Variants in LRRC36 observed in about 807,000 individuals in gnomAD.
LRRC36 encodes leucine rich repeat containing 36.
Under a neutral mutation model 81.1 loss-of-function variants are expected in LRRC36, and 62 were observed. That is an observed-to-expected ratio of 0.76 (90% confidence interval 0.62 to 0.94). The LOEUF (loss-of-function observed/expected upper bound fraction) is 0.94, where lower values mean the gene tolerates loss of function less well. Ranked by LOEUF, LRRC36 falls within the 40% of genes least tolerant of loss-of-function variation. LRRC36 has a pLI of 0.00. For synonymous variants in LRRC36, 334 were observed against 348.6 expected (o/e 0.96, Z 0.47); for missense variants, 761 against 881.7 (o/e 0.86, Z 1.73).
At position 67,342,951 on chromosome 16, in the gene LRRC36, C is replaced by A. The variant is rs192235288; in HGVS notation, c.198+867C>A. Among the ~76,000 whole-genome samples the A allele has an allele frequency of 1.0e-3, 157 of 152,248 alleles. 3 individuals carry two copies. Among genetic ancestry groups the A allele is most frequent in the African/African-American group, 3.2e-3 (133 of 41,564 alleles). On this transcript the variant is annotated intron_variant, in intron 2 of 13. Coordinates refer to ENST00000329956, the MANE Select transcript of LRRC36 (RefSeq NM_018296.6). ...GCTAAGGGCCTAAAAGATCAAAAGC[C>A]CTAAGATCAAATTTCCATCTAGGAC...
intron 4 of LRRC36, among the ~76,000 whole-genome samples, chr16:67,348,868 A>G (rs1009523864): frequency 3.9e-5 from 6 of 152,180 alleles, no homozygotes; most frequent in African/African-American, 1.2e-4. Context: ...GTCAGTGCCT[A>G]TTGGCCTGAG....
chr16:67,356,981 T>A (rs557295756), intron 5 of LRRC36, among the ~76,000 whole-genome samples: 18 of 152,218 alleles, frequency 1.2e-4, no homozygotes, highest in African/African-American at 4.1e-4. Flanking sequence ...ATAATAAGGA[T>A]CTCTTAGAGG....
chr16:67,363,767 A>G, intron 6 of LRRC36, 53 bp downstream of exon 6: 1 of 1,574,724 alleles, frequency 6.4e-7, no homozygotes, highest in South Asian at 1.1e-5. Flanking sequence ...ATTAATACTG[A>G]TAATTCAGTG....
intron 8 of LRRC36, among the ~76,000 whole-genome samples, chr16:67,369,957 G>T (rs938436447): frequency 7.9e-5 from 12 of 152,154 alleles, no homozygotes; most frequent in African/African-American, 2.9e-4. Flanking sequence ...GTAAAGGGAA[G>T]CAGAGAAATG....
chr16:67,376,888 C>A lies in LRRC36; in HGVS notation c.1806+16C>A. Reference sequence around the variant, plus strand: ...TAATGACATGGTATGCCCCTCTCATCTCCCTTTAGAAAAGGACAGAGCAGC... The same window carrying A: ...TAATGACATGGTATGCCCCTCTCATATCCCTTTAGAAAAGGACAGAGCAGC... On this transcript the variant is annotated intron_variant, in intron 11 of 13. Coordinates refer to ENST00000329956, the MANE Select transcript of LRRC36 (RefSeq NM_018296.6). 6.3e-7 allele frequency: 1 copy of A among 1,598,518 alleles called. No individual in the cohort carries two copies.
rs2037911499 is a variant in LRRC36 at position 67,339,212 on chromosome 16, TGCCAGTA to T, written c.71-2742_71-2736del. Among the ~76,000 whole-genome samples, 3 of 148,728 alleles carry T rather than the reference TGCCAGTA, an allele frequency of 2.0e-5. No individual in the cohort carries two copies. The Admixed American group carries it at 2.0e-4, about 10-fold the overall frequency. On this transcript the variant is annotated intron_variant, in intron 1 of 13. Transcript: ENST00000329956. ...ACCCAGCCATGATTCATTCTCAAGGTGCCAGTAGCTTTTGCTCTTGCACCATAAGTGT... is the reference window on the plus strand; with the variant it reads ...ACCCAGCCATGATTCATTCTCAAGGTGCTTTTGCTCTTGCACCATAAGTGT...
Position 67,371,215 on chromosome 16 carries a change from T to C in LRRC36, c.1467T>C (p.His489=). Residue 489 remains histidine, a synonymous_variant, in exon 9 of 14, where the codon CAT becomes CAC. Transcript: ENST00000329956. ...DNILANLNLK[H]GFQDATGSEP... The stretch of plus-strand genomic sequence containing the variant: ...TCCTTGCCAACCTGAATCTAAAGCA[T>C]GGTTTCCAAGATGCTACAGGCAGCG... The C allele has an allele frequency of 3.1e-6, 5 of 1,614,166 alleles. No homozygotes were observed. Among genetic ancestry groups the C allele is most frequent in the Non-Finnish European group, 4.2e-6 (5 of 1,180,028 alleles).
intron 13 of LRRC36, 150 bp downstream of exon 13, chr16:67,382,397 G>T (rs1202107743): frequency 3.3e-6 from 2 of 602,652 alleles, no homozygotes; most frequent in African/African-American, 1.9e-5. Flanking sequence ...TTAGCTCAGG[G>T]ATTATAAAAA....
intron 12 of LRRC36, among the ~76,000 whole-genome samples, chr16:67,381,446 A>T (rs2040107731): frequency 6.6e-6 from 1 of 152,124 alleles, no homozygotes; most frequent in Non-Finnish European, 1.5e-5. Flanking sequence ...CATACTACGT[A>T]GGGAGTGAAG....
intron 2 of LRRC36, 100 bp from the exon 3 acceptor site, chr16:67,346,156 C>A: frequency 1.3e-6 from 1 of 794,436 alleles, no homozygotes; most frequent in Non-Finnish European, 1.9e-6. Flanking sequence ...ACTTGGATAA[C>A]ATGTTTAAGG....
At chr16:67,339,870 C>T (rs1459229269) in intron 1 of LRRC36, among the ~76,000 whole-genome samples, 1 of 152,156 alleles carries the variant, frequency 6.6e-6, no homozygotes, top group East Asian at 1.9e-4. Flanking sequence ...GGGCCAGGCA[C>T]GGTGGCTGAC....
At chr16:67,365,376 G>A in intron 7 of LRRC36, 21 bp downstream of exon 7, 5 of 1,608,416 alleles carry the variant, frequency 3.1e-6, no homozygotes, top group Non-Finnish European at 4.3e-6. Flanking sequence ...TGCTCACTGA[G>A]TATTTTTCCC....
At chr16:67,382,101 C>A in intron 12 of LRRC36, 32 bp from the exon 13 acceptor site, 1 of 1,407,068 alleles carries the variant, frequency 7.1e-7, no homozygotes, top group Non-Finnish European at 1.0e-6. Flanking sequence ...GCTTGGAATC[C>A]TTTTCACCCC....
At chr16:67,363,456 T>C in intron 5 of LRRC36, 134 bp from the exon 6 acceptor site, 1 of 725,116 alleles carries the variant, frequency 1.4e-6, no homozygotes, top group Non-Finnish European at 2.3e-6. Context: ...CTCAAATTCA[T>C]GTGGTCTCCA....
intron 8 of LRRC36, among the ~76,000 whole-genome samples, chr16:67,368,244 T>C (rs1597486140): frequency 6.6e-6 from 1 of 152,220 alleles, no homozygotes; most frequent in South Asian, 2.1e-4. Context: ...CCTACTTTCA[T>C]AGAGCTTACA....
intron 5 of LRRC36, among the ~76,000 whole-genome samples, chr16:67,354,815 C>T (rs2038824821): frequency 6.6e-6 from 1 of 152,166 alleles, no homozygotes. Flanking sequence ...GTTGTACATT[C>T]TATGGGCTTG....
chr16:67,331,369 T>G (rs1407503790), intron 1 of LRRC36, among the ~76,000 whole-genome samples: 1 of 151,672 alleles, frequency 6.6e-6, no homozygotes, highest in Non-Finnish European at 1.5e-5. Context: ...ACAAAAAATT[T>G]AAAAATTAAC....
chr16:67,377,016 A>T (rs1475880801), intron 11 of LRRC36, 144 bp downstream of exon 11: 3 of 853,652 alleles, frequency 3.5e-6, no homozygotes, highest in Non-Finnish European at 5.1e-6. Context: ...TTGCTAGGAC[A>T]GGGACAACTT....
chr16:67,362,056 C>A, intron 5 of LRRC36: 1 of 334,084 alleles, frequency 3.0e-6, no homozygotes, highest in South Asian at 2.2e-5. Flanking sequence ...CATACGGATA[C>A]CCTATTTCTA....
Sources: allele counts gnomAD v4.1 joint callset (sites outside exome capture counted in the v4.1 genomes callset), GRCh38; gene constraint gnomAD v4.1.1; transcripts MANE v1.5; gene names NCBI Gene and HGNC (gene_info 2026-07-23, HGNC 2026-07-21).